EVL: variants seen among roughly 807,000 people sequenced by gnomAD.
EVL encodes the protein Enah/Vasp-like.
A neutral mutation model predicts 59.6 loss-of-function variants in EVL; 21 were observed. The ratio of observed to expected loss-of-function variants is 0.35; its 90% CI spans 0.25 to 0.51. The LOEUF is 0.51. Among genes scored for constraint, EVL ranks in the 20% least tolerant of loss-of-function variants. The probability of loss-of-function intolerance (pLI) is 0.97; values close to 1 mark genes in which losing one functional copy is unlikely to be tolerated. For missense variants in EVL, 462 were observed against 546.6 expected (o/e 0.85, Z 1.54); for synonymous variants, 198 against 203.5 (o/e 0.97, Z 0.23).
In EVL at chr14:100,040,736, G is replaced by T. The variant is rs118162871; in HGVS notation, c.6-43951G>T. ...CATGACCTTTATTGCCTGTGTTTTT[G>T]GTCTGTAAGTAGCTCTGAGAGCTTT... On this transcript the variant is annotated intron_variant, in intron 1 of 13. Transcript: ENST00000402714. Among the ~76,000 whole-genome samples, 326 of 152,220 alleles carry T rather than the reference G, an allele frequency of 2.1e-3. 1 individual carries two copies. Among genetic ancestry groups the T allele is most frequent in the Non-Finnish European group, 4.0e-3 (269 of 68,016 alleles).
At chr14:100,051,677 T>C (rs1162544824) in intron 1 of EVL, among the ~76,000 whole-genome samples, 1 of 152,240 alleles carries the variant, frequency 6.6e-6, no homozygotes, top group East Asian at 1.9e-4. Flanking sequence ...TTGTTTATGG[T>C]ATGGTCATTA....
In EVL at chr14:100,003,932, C is replaced by T. The variant is rs549335438; in HGVS notation, c.5+31875C>T. Among the ~76,000 whole-genome samples, 29 of 152,254 alleles carry T rather than the reference C, an allele frequency of 1.9e-4. No individual in the cohort carries two copies. In the South Asian group the frequency reaches 5.0e-3, roughly 26 times the overall value. On this transcript the variant is annotated intron_variant, in intron 1 of 13. Transcript: ENST00000402714. ...TTAAAAAAATGTTAGAGGACAGATG[C>T]GGTGGCTCACACCTATAATCCCAGC... is the stretch of plus-strand genomic sequence containing the variant.
chr14:100,131,233 A>G (rs1305957091), intron 7 of EVL, among the ~76,000 whole-genome samples: 3 of 152,242 alleles, frequency 2.0e-5, no homozygotes, highest in Non-Finnish European at 2.9e-5. Context: ...CCTAAGTCCT[A>G]GACCAAGCTG....
chr14:100,040,228 G>A (rs1240166206), intron 1 of EVL, among the ~76,000 whole-genome samples: 7 of 152,048 alleles, frequency 4.6e-5, no homozygotes, highest in Admixed American at 6.5e-5. Flanking sequence ...CTTTTGTTCC[G>A]CTTTTTTCTC....
chr14:100,081,826 G>A lies in EVL; in HGVS notation c.12-2861G>A, dbSNP rs115550896. Among the ~76,000 whole-genome samples the A allele has an allele frequency of 7.3e-3, 1,114 of 152,276 alleles. 15 individuals are homozygous for A. Among genetic ancestry groups the A allele is most frequent in the African/African-American group, 0.026 (1,062 of 41,554 alleles). On this transcript the variant is annotated intron_variant, in intron 1 of 13. Transcript: ENST00000392920. ...TTCAGAAAGCCTCCCCAGGCCTGGC[G>A]CAGTGGCTCACGCCTGTAATCCCAG...
In EVL at chr14:100,046,460, A is replaced by G. The variant is rs929668071; in HGVS notation, c.6-38227A>G. The stretch of plus-strand genomic sequence containing the variant: ...GGCGGGCAGATCACTTGATCTCACG[A>G]TTTCAACACCAGCCTGGCTGACATG... On this transcript the variant is annotated intron_variant, in intron 1 of 13. Transcript: ENST00000402714. Among the ~76,000 whole-genome samples the G allele has an allele frequency of 7.9e-5, 12 of 152,234 alleles. No homozygotes were observed. The East Asian group carries it at 2.1e-3, about 27-fold the overall frequency.
At chr14:100,133,854 T>C (rs1046148410) in intron 8 of EVL, among the ~76,000 whole-genome samples, 1 of 152,194 alleles carries the variant, frequency 6.6e-6, no homozygotes, top group Non-Finnish European at 1.5e-5. Flanking sequence ...GGAGAATTGC[T>C]TGAACCTGGG....
intron 3 of EVL, chr14:100,102,470 TA>T (rs1886283630): frequency 2.3e-6 from 1 of 431,342 alleles, no homozygotes; most frequent in Non-Finnish European, 4.7e-6. Context: ...TTGTTATTGT[TA>T]TTCGTGTTTG....
rs1886688394 is a variant in EVL at position 100,108,007 on chromosome 14, T to C, written c.358+10349T>C. 1 of 152,244 alleles carries C rather than the reference T, an allele frequency of 6.6e-6. No individual in the cohort carries two copies. The highest frequency in any genetic ancestry group is 1.5e-5 in the Non-Finnish European group (1 of 68,048). The allele number at this position is 152,244 out of a possible 1,614,324, so 9.4% of individuals were successfully genotyped here. ...TCTTTGGCTCTTGGAGCATAATGTA[T>C]GTCCTTTTCCTACTTGGTTTGCGTG... On this transcript the variant is annotated intron_variant, in intron 3 of 13. Coordinates refer to ENST00000392920, the MANE Select transcript of EVL (RefSeq NM_016337.3). This position sits in a 1 kb window ranked among gnomAD's most constrained non-coding sequence, Gnocchi z 4.1.
intron 1 of EVL, among the ~76,000 whole-genome samples, chr14:99,988,473 G>A (rs896353141): frequency 3.3e-5 from 5 of 152,186 alleles, no homozygotes; most frequent in Admixed American, 1.3e-4. Context: ...TGGAGCCCTC[G>A]TACATTGCTG....
intron 1 of EVL, among the ~76,000 whole-genome samples, chr14:100,022,550 G>A (rs2061144131): frequency 6.6e-6 from 1 of 152,104 alleles, no homozygotes; most frequent in African/African-American, 2.4e-5. Context: ...GAAGTGCTGG[G>A]TTTACAGGCG....
chr14:100,104,155 G>C (rs527693598), intron 3 of EVL, among the ~76,000 whole-genome samples: 23 of 152,282 alleles, frequency 1.5e-4, no homozygotes, highest in Non-Finnish European at 2.9e-4. Flanking sequence ...AAAACCCACT[G>C]TGACCTTTTC....
Position 100,109,081 on chromosome 14 carries a change from G to A in EVL, c.358+11423G>A, listed in dbSNP as rs1000327153. ...TGTGGGACCATGTCCAGCAGTGAAG[G>A]CTGTGCATTGGCCTGAGCCCCTGGT... On this transcript the variant is annotated intron_variant, in intron 3 of 13. Transcript: ENST00000392920. This position sits in a 1 kb window ranked among gnomAD's most constrained non-coding sequence, Gnocchi z 4.3. Among the ~76,000 whole-genome samples the A allele has an allele frequency of 6.6e-5, 10 of 152,138 alleles. No homozygotes were observed.
chr14:99,987,905 A>ATTTT (rs774580760), intron 1 of EVL, among the ~76,000 whole-genome samples: 13 of 103,818 alleles, frequency 1.3e-4, no homozygotes, highest in Non-Finnish European at 1.8e-4. Context: ...AGACAACCCA[A>ATTTT]TTTTTTTTTT....
chr14:100,137,828 T>A, intron 11 of EVL, 26 bp downstream of exon 11: 5 of 1,612,268 alleles, frequency 3.1e-6, no homozygotes, highest in Non-Finnish European at 4.2e-6. Context: ...CCTGCTCACA[T>A]GTCCCCCAGG....
At chr14:100,022,144 A>G (rs2061135773) in intron 1 of EVL, among the ~76,000 whole-genome samples, 2 of 152,070 alleles carry the variant, frequency 1.3e-5, no homozygotes, top group Admixed American at 6.6e-5. Flanking sequence ...TCCTACATGA[A>G]TATAAAGGGG....
chr14:100,038,776 G>GTGTGTGTGTGTA (rs2061425760), intron 1 of EVL, among the ~76,000 whole-genome samples: 1 of 150,030 alleles, frequency 6.7e-6, no homozygotes, highest in East Asian at 1.9e-4. Flanking sequence ...CCTGGGGTGT[G>GTGTGTGTGTGTA]TGTGTGTGTG....
intron 1 of EVL, among the ~76,000 whole-genome samples, chr14:99,997,402 G>C (rs1358525825): frequency 6.6e-6 from 1 of 152,222 alleles, no homozygotes; most frequent in East Asian, 1.9e-4. Context: ...CAGTACATAG[G>C]CTTAGCCTTT....
upstream of EVL, among the ~76,000 whole-genome samples, chr14:100,064,165 A>G (rs1038422676): frequency 6.6e-6 from 1 of 152,198 alleles, no homozygotes; most frequent in African/African-American, 2.4e-5. Flanking sequence ...CATCTCTCCA[A>G]TTAGAACTGA....
Sources: allele counts gnomAD v4.1 joint callset (sites outside exome capture counted in the v4.1 genomes callset), GRCh38; gene constraint gnomAD v4.1.1; non-coding constraint Gnocchi (gnomAD v3.1); transcripts MANE v1.5; gene names NCBI Gene and HGNC (gene_info 2026-07-23, HGNC 2026-07-21).